Variants in TMEM187 observed in about 807,000 individuals in gnomAD.
TMEM187 encodes the protein transmembrane protein 187.
In TMEM187, 14 loss-of-function variants were observed where a neutral mutation model predicts 11.8. That is an observed-to-expected ratio of 1.18 (90% confidence interval 0.78 to 1.85). The LOEUF (loss-of-function observed/expected upper bound fraction) is 1.85. Ranked by LOEUF, TMEM187 falls within the 40% of genes most tolerant of loss-of-function variation. The probability of loss-of-function intolerance (pLI) is 0.00; values close to 1 mark genes in which losing one functional copy is unlikely to be tolerated. For synonymous variants in TMEM187, 112 were observed against 118.5 expected, an observed-to-expected ratio of 0.95 and a Z score of 0.36; for missense variants, 227 against 243.9, an observed-to-expected ratio of 0.93 and a Z score of 0.46.
intron 1 of TMEM187, among the ~76,000 whole-genome samples, chrX:153,974,558 A>G (rs1557121185): frequency 8.9e-6 from 1 of 112,669 alleles, no homozygotes; most frequent in African/African-American, 3.2e-5. Flanking sequence ...GATCCAGGAC[A>G]TGGAATGGGA....
At position 153,983,055 on chromosome X, in the gene TMEM187, A is replaced by G; in HGVS notation, c.*207A>G. 1 of 716,305 alleles carries G rather than the reference A, an allele frequency of 1.4e-6. No individual in the cohort carries two copies. The highest frequency in any genetic ancestry group is 2.1e-6 in the Non-Finnish European group (1 of 480,301). The allele number at this position is 716,305 out of a possible 1,213,427, so 59.0% of individuals were successfully genotyped here. The stretch of plus-strand genomic sequence containing the variant: ...ACTTACTTTCAAAGACATAAAGCAC[A>G]GATCTCCGCACAGGGGATGTGTGTG... On this transcript the variant is annotated 3_prime_UTR_variant, in exon 2 of 2. Transcript: ENST00000369982.
chrX:153,982,294 A>G lies in TMEM187; in HGVS notation c.232A>G (p.Met78Val), dbSNP rs7350355. 300,344 of 1,209,247 alleles carry G rather than the reference A, an allele frequency of 0.25. 35,343 individuals are homozygous for G. Among genetic ancestry groups the G allele is most frequent in the East Asian group, 0.73 (24,492 of 33,740 alleles). Residue 78 changes from methionine to valine, a missense_variant, in exon 2 of 2, where the codon ATG becomes GTG. Transcript: ENST00000369982. ...GTCGTGGCTGCACAGGGGCGGCGCG[A>G]TGGGGCTGGGTCCCCGCTACCTGAA... Reference protein sequence around the residue: ...GLSWLHRGGAMGLGPRYLKDV... With the variant: ...GLSWLHRGGAVGLGPRYLKDV...
intron 1 of TMEM187, among the ~76,000 whole-genome samples, chrX:153,973,792 A>C (rs1207304101): frequency 8.9e-6 from 1 of 112,734 alleles, no homozygotes; most frequent in African/African-American, 3.2e-5. Context: ...TCCTTTATCC[A>C]CAGAAAGACA....
rs1484312774 is a variant in TMEM187 at position 153,982,616 on chromosome X, A to G, written c.554A>G (p.Tyr185Cys). The change falls in exon 2 of 2, where the codon TAT becomes TGT. Residue 185 changes from tyrosine to cysteine, a missense_variant. Physicochemically the swap from Tyr to Cys is radical, Grantham distance 194. Coordinates refer to ENST00000369982, the MANE Select transcript of TMEM187 (RefSeq NM_003492.3). The stretch of plus-strand genomic sequence containing the variant: ...CAGGCGCTGCGCACCCACAGGCACT[A>G]TGGCAGCACCACCTCGGCTACCTAC... ...VGQALRTHRH[Y>C]GSTTSATYLA... The G allele has an allele frequency of 2.5e-6, 3 of 1,210,872 alleles. No individual in the cohort carries two copies. The highest frequency in any genetic ancestry group is 3.4e-6 in the Non-Finnish European group (3 of 895,433).
At chrX:153,974,894 G>A (rs2065571865) in intron 1 of TMEM187, among the ~76,000 whole-genome samples, 1 of 112,429 alleles carries the variant, frequency 8.9e-6, no homozygotes, top group Non-Finnish European at 1.9e-5. Context: ...AGGAGGATGC[G>A]GTGGGCCCCA....
Position 153,982,310 on chromosome X carries a change from G to C in TMEM187, c.248G>C (p.Arg83Pro). 8.3e-7 allele frequency: 1 copy of C among 1,210,518 alleles called. No homozygotes were observed. The highest frequency in any genetic ancestry group is 1.1e-6 in the Non-Finnish European group (1 of 895,394). Residue 83 changes from arginine to proline, a missense_variant, in exon 2 of 2, where the codon CGC becomes CCC. By Grantham distance (103) the Arg-to-Pro change is moderately radical (BLOSUM62 -2). Coordinates refer to ENST00000369982, the MANE Select transcript of TMEM187 (RefSeq NM_003492.3). The stretch of plus-strand genomic sequence containing the variant: ...GGCGGCGCGATGGGGCTGGGTCCCC[G>C]CTACCTGAAGGACGTGTTCGCAGCC... ...HRGGAMGLGP[R>P]YLKDVFAAMA...
Position 153,982,021 on chromosome X carries a change from C to A in TMEM187, c.-42C>A. The stretch of plus-strand genomic sequence containing the variant: ...TGCAGAGGCTGCGTATTGAAGGCTG[C>A]TCTCTGAAGCTCCCTGCCCCAGGTC... On this transcript the variant is annotated 5_prime_UTR_variant, in exon 2 of 2. The change creates a premature stop within an existing upstream ORF in the 5' untranslated region. Transcript: ENST00000369982. 8.3e-7 allele frequency: 1 copy of A among 1,211,620 alleles called. No homozygotes were observed. Among genetic ancestry groups the A allele is most frequent in the Non-Finnish European group, 1.1e-6 (1 of 895,521 alleles).
At chrX:153,981,400 C>G (rs2065600864) in intron 1 of TMEM187, among the ~76,000 whole-genome samples, 1 of 111,693 alleles carries the variant, frequency 9.0e-6, no homozygotes, top group Non-Finnish European at 1.9e-5. Flanking sequence ...CCCTTGCCTC[C>G]CGGCCTGGTG....
At chrX:153,981,648 A>C (rs1557122411) in intron 1 of TMEM187, among the ~76,000 whole-genome samples, 1 of 111,926 alleles carries the variant, frequency 8.9e-6, no homozygotes, top group Non-Finnish European at 1.9e-5. Flanking sequence ...AACTAGGACG[A>C]TGGGCAGGAT....
intron 1 of TMEM187, among the ~76,000 whole-genome samples, chrX:153,978,425 C>T (rs1603300676): frequency 9.6e-6 from 1 of 104,659 alleles, no homozygotes; most frequent in South Asian, 4.5e-4. Flanking sequence ...TGAGCCATCA[C>T]GCCTGGCTAA....
At chrX:153,980,660 G>A (rs1557122235) in intron 1 of TMEM187, 1 of 111,520 alleles carries the variant, frequency 9.0e-6, no homozygotes, top group East Asian at 2.8e-4. Context: ...GCTCATACCT[G>A]TGAATCCCAG....
chrX:153,977,859 G>A (rs782510114), intron 1 of TMEM187, among the ~76,000 whole-genome samples: 22 of 109,468 alleles, frequency 2.0e-4, no homozygotes, highest in African/African-American at 7.4e-4. Flanking sequence ...AGGTTGCAGT[G>A]AGGCAAGATC....
Position 153,982,076 on chromosome X carries a change from G to A in TMEM187, c.14G>A (p.Trp5Ter), listed in dbSNP as rs144049406. The change falls in exon 2 of 2, where the codon TGG (tryptophan) becomes TAG (stop). Residue 5 changes from tryptophan to a stop codon, truncating the protein, a stop_gained. Transcript: ENST00000369982. LOFTEE classifies it high-confidence loss of function. The part of the protein sequence containing the change: MNPE[W>*]GQAFVHVAVA... ...CGCCGGTTCCAGATGAATCCAGAGT[G>A]GGGGCAGGCCTTCGTGCACGTGGCC... 5.8e-6 allele frequency: 7 copies of A among 1,212,632 alleles called. No individual in the cohort carries two copies. The South Asian group carries it at 1.2e-4, about 21-fold the overall frequency.
intron 1 of TMEM187, among the ~76,000 whole-genome samples, chrX:153,976,989 A>G (rs1446220690): frequency 2.7e-5 from 3 of 112,907 alleles, no homozygotes; most frequent in African/African-American, 9.6e-5. Context: ...ATTCTTATGT[A>G]AAATATTTAA....
intron 1 of TMEM187, among the ~76,000 whole-genome samples, chrX:153,977,850 G>T (rs1427595686): frequency 9.1e-6 from 1 of 109,814 alleles, no homozygotes; most frequent in Non-Finnish European, 1.9e-5. Flanking sequence ...GGGAGGCAGA[G>T]GTTGCAGTGA....
intron 1 of TMEM187, chrX:153,980,957 C>T (rs1227524047): frequency 9.3e-6 from 1 of 107,094 alleles, no homozygotes; most frequent in Non-Finnish European, 1.9e-5. Flanking sequence ...AGGCCCAAGA[C>T]AGTTAAGGTG....
chrX:153,980,378 C>T (rs1256479842), intron 1 of TMEM187, among the ~76,000 whole-genome samples: 1 of 111,190 alleles, frequency 9.0e-6, no homozygotes, highest in Non-Finnish European at 1.9e-5. Flanking sequence ...AATACCCAGG[C>T]CATGGCAGCA....
chrX:153,983,010 G>T lies in TMEM187; in HGVS notation c.*162G>T. ...GCTGCGGGCTTCGGTGTGGAGGGGT[G>T]GAGTGCTGTGATCTCGACAACTTAC... On this transcript the variant is annotated 3_prime_UTR_variant, in exon 2 of 2. Transcript: ENST00000369982. The T allele has an allele frequency of 9.6e-7, 1 of 1,042,371 alleles. No homozygotes were observed. The highest frequency in any genetic ancestry group is 2.1e-5 in the South Asian group (1 of 47,852). The allele number at this position is 1,042,371 out of a possible 1,213,427, so 85.9% of individuals were successfully genotyped here.
At chrX:153,979,462 C>T (rs1557121992) in intron 1 of TMEM187, among the ~76,000 whole-genome samples, 1 of 109,986 alleles carries the variant, frequency 9.1e-6, no homozygotes, top group African/African-American at 3.3e-5. Context: ...TCAAGCAGTC[C>T]TCTCACCTTG....
Sources: gnomAD v4.1 joint callset for allele counts (sites outside exome capture counted in the v4.1 genomes callset) on GRCh38, gnomAD v4.1.1 for gene constraint, MANE v1.5 for transcripts, NCBI Gene and HGNC (gene_info 2026-07-23, HGNC 2026-07-21) for gene names.